UNC45A: variants seen among roughly 807,000 people sequenced by gnomAD.
The protein encoded by UNC45A is protein unc-45 homolog A.
In UNC45A, 78 loss-of-function variants were observed where a neutral mutation model predicts 103.2. That is an observed-to-expected ratio of 0.76 (90% CI 0.63 to 0.91). The LOEUF (loss-of-function observed/expected upper bound fraction) is 0.91. Among genes scored for constraint, UNC45A ranks in the 40% least tolerant of loss-of-function variants. The pLI is 0.00. For synonymous variants in UNC45A, 495 were observed against 504.6 expected (o/e 0.98, Z 0.25); for missense variants, 1,193 against 1,224.8 (o/e 0.97, Z 0.39).
intron 10 of UNC45A, 107 bp downstream of exon 10, chr15:90,947,021 T>C: frequency 7.3e-7 from 1 of 1,362,976 alleles, no homozygotes; most frequent in Non-Finnish European, 1.0e-6. Context: ...AAATAAGGAA[T>C]ACTGTAATGC....
In UNC45A at chr15:90,938,100, T is replaced by G. The variant is rs371912580; in HGVS notation, c.427-1631T>G. 5.4e-4 allele frequency among the ~76,000 whole-genome samples: 83 copies of G among 152,324 alleles called. 2 individuals are homozygous for G. The South Asian group carries it at 0.017, about 30-fold the overall frequency. The stretch of plus-strand genomic sequence containing the variant: ...GCGTGAGCCATGGCACTGGGCCAAA[T>G]ATGCATTTTTGTTTCTTTATTTTTT... On this transcript the variant is annotated intron_variant, in intron 4 of 19. Transcript: ENST00000418476.
chr15:90,932,360 C>T, upstream of UNC45A: 1 of 974,036 alleles, frequency 1.0e-6, no homozygotes, highest in Non-Finnish European at 1.4e-6. Context: ...GGTGCACGCC[C>T]CCCACGTTTC....
chr15:90,942,700 C>G (rs1365913286), intron 7 of UNC45A, 95 bp downstream of exon 7: 1 of 1,579,834 alleles, frequency 6.3e-7, no homozygotes, highest in African/African-American at 1.4e-5. Context: ...ACCAGACTTG[C>G]AGCTGCAGGT....
In UNC45A at chr15:90,936,363, A is replaced by G. The variant is rs2036021270; in HGVS notation, c.329A>G (p.Gln110Arg). 2 of 1,614,258 alleles carry G rather than the reference A, an allele frequency of 1.2e-6. No homozygotes were observed. Among genetic ancestry groups the G allele is most frequent in the East Asian group, 2.2e-5 (1 of 44,886 alleles). ...CTAGAGAAGCTGGGCCGCCTGGACC[A>G]GGCTGTCCTTGACCTGCAGAGATGT... ...QALEKLGRLD[Q>R]AVLDLQRCVS... is the part of the protein sequence containing the mutation. The change falls in exon 4 of 20, where the codon CAG (glutamine) becomes CGG (arginine). Residue 110 changes from glutamine to arginine, a missense_variant. By Grantham distance (43) the Gln-to-Arg change is conservative. Coordinates refer to ENST00000418476, the MANE Select transcript of UNC45A (RefSeq NM_018671.5).
At chr15:90,939,591 C>T in intron 4 of UNC45A, 140 bp from the exon 5 acceptor site, 2 of 772,222 alleles carry the variant, frequency 2.6e-6, no homozygotes, top group Non-Finnish European at 2.1e-6. Flanking sequence ...TCTTCCTGCC[C>T]AGGGTAGCTA....
chr15:90,939,935 C>A, intron 5 of UNC45A, 112 bp downstream of exon 5: 2 of 986,624 alleles, frequency 2.0e-6, no homozygotes, highest in Non-Finnish European at 3.0e-6. Context: ...TGCAGCTGGG[C>A]TCACGGGGCC....
chr15:90,947,694 G>T (rs1446961476), intron 10 of UNC45A, 102 bp from the exon 11 acceptor site: 6 of 760,154 alleles, frequency 7.9e-6, no homozygotes, highest in Non-Finnish European at 1.4e-5. Flanking sequence ...GCTTCCAGGG[G>T]GCCATGGCAG....
At position 90,944,988 on chromosome 15, in the gene UNC45A, T is replaced by C; in HGVS notation, c.1124T>C (p.Leu375Pro). 6.2e-7 allele frequency: 1 copy of C among 1,613,026 alleles called. No individual in the cohort carries two copies. The change falls in exon 9 of 20, where the codon CTC becomes CCC. Residue 375 changes from leucine (L) to proline (P), a missense_variant. Coordinates refer to ENST00000418476, the MANE Select transcript of UNC45A (RefSeq NM_018671.5). ...AGCCGCATGAGCGCCTCTATTCTCCTCAGCAAGCTCTTTGATGACCTCAAG... is the reference window on the plus strand; with the variant it reads ...AGCCGCATGAGCGCCTCTATTCTCCCCAGCAAGCTCTTTGATGACCTCAAG... ...ANSRMSASIL[L>P]SKLFDDLKCD... is the part of the protein sequence containing the mutation.
At chr15:90,940,562 C>A (rs572438023) in intron 6 of UNC45A, 89 bp downstream of exon 6, 2 of 1,486,992 alleles carry the variant, frequency 1.3e-6, no homozygotes, top group Admixed American at 4.2e-5. Flanking sequence ...TCCATCCGCC[C>A]ATCTGCCCGT....
At chr15:90,948,447 T>C in intron 12 of UNC45A, 164 bp downstream of exon 12, 1 of 1,271,442 alleles carries the variant, frequency 7.9e-7, no homozygotes, top group Non-Finnish European at 1.1e-6. Context: ...CCAGCACCAG[T>C]GGTGTTAGCA....
At chr15:90,939,183 G>A (rs1280837663) in intron 4 of UNC45A, among the ~76,000 whole-genome samples, 1 of 152,106 alleles carries the variant, frequency 6.6e-6, no homozygotes, top group Non-Finnish European at 1.5e-5. Context: ...GTTTCACCTT[G>A]TTGGCCAGGC....
Position 90,948,688 on chromosome 15 carries a change from C to T in UNC45A, c.1772C>T (p.Ser591Leu). 2 of 1,614,076 alleles carry T rather than the reference C, an allele frequency of 1.2e-6. No homozygotes were observed. The highest frequency in any genetic ancestry group is 2.2e-5 in the South Asian group (2 of 91,072). ...EERSVLFAVA[S>L]ALVNCTNSYD... is the part of the protein sequence containing the mutation. ...AGGTCAGTGCTCTTTGCGGTGGCCT[C>T]AGCGCTGGTGAACTGCACCAACAGC... The change falls in exon 13 of 20, where the codon TCA (serine) becomes TTA (leucine). Residue 591 changes from serine (S) to leucine (L), a missense_variant. Transcript: ENST00000418476.
upstream of UNC45A, chr15:90,930,562 C>G (rs2035754812): frequency 6.6e-6 from 1 of 152,212 alleles, no homozygotes; most frequent in Admixed American, 6.5e-5. Flanking sequence ...AGAGACGGGG[C>G]CTCGCCATGC....
upstream of UNC45A, chr15:90,932,497 G>A (rs1567144437): frequency 7.7e-7 from 1 of 1,303,830 alleles, no homozygotes; most frequent in Non-Finnish European, 9.7e-7. Context: ...CTTGCGAGCC[G>A]CGAAGTCGGC....
At chr15:90,942,028 G>A (rs573605672) in intron 6 of UNC45A, among the ~76,000 whole-genome samples, 10 of 152,036 alleles carry the variant, frequency 6.6e-5, no homozygotes, top group Non-Finnish European at 8.8e-5. Context: ...TTCCGTGTAC[G>A]TGACGTCCAC....
chr15:90,953,008 G>A lies in UNC45A; in HGVS notation c.2383G>A (p.Ala795Thr). 1 of 1,613,592 alleles carries A rather than the reference G, an allele frequency of 6.2e-7. No homozygotes were observed. The highest frequency in any genetic ancestry group is 8.5e-7 in the Non-Finnish European group (1 of 1,180,048). The change falls in exon 18 of 20, where the codon GCC becomes ACC. Residue 795 changes from alanine to threonine, a missense_variant. By Grantham distance (58) the Ala-to-Thr change is moderately conservative. Transcript: ENST00000418476. ...GGAGCATGAGATGATCCGCCGGGCAGCCACGGAGTGCATGTGTAACTTGGC... is the reference window on the plus strand; with the variant it reads ...GGAGCATGAGATGATCCGCCGGGCAACCACGGAGTGCATGTGTAACTTGGC... ...FEEHEMIRRA[A>T]TECMCNLAMS...
At chr15:90,953,403 C>T in intron 19 of UNC45A, 56 bp from the exon 20 acceptor site, 1 of 1,602,562 alleles carries the variant, frequency 6.2e-7, no homozygotes. Context: ...GGGTGTGTCC[C>T]TTGCCAAGGT....
At position 90,949,646 on chromosome 15, in the gene UNC45A, C is replaced by T. The variant is rs369066759; in HGVS notation, c.2007-8C>T. 63 of 1,613,918 alleles carry T rather than the reference C, an allele frequency of 3.9e-5. No homozygotes were observed. The highest frequency in any genetic ancestry group is 5.2e-5 in the Non-Finnish European group (61 of 1,179,984). ...AGCTGCCTGCCCACCACCGCCTTCT[C>T]CCCACAGGGTCTTCTTGGCTTTAGT... On this transcript the variant is annotated splice_region_variant and splice_polypyrimidine_tract_variant and intron_variant, in intron 14 of 19. Coordinates refer to ENST00000418476, the MANE Select transcript of UNC45A (RefSeq NM_018671.5).
chr15:90,948,881 T>G, intron 13 of UNC45A, 87 bp downstream of exon 13: 1 of 1,340,250 alleles, frequency 7.5e-7, no homozygotes, highest in South Asian at 1.7e-5. Context: ...CTCCCTTTTT[T>G]TTTTTTTTTT....
Sources: allele counts gnomAD v4.1 joint callset (sites outside exome capture counted in the v4.1 genomes callset), GRCh38; gene constraint gnomAD v4.1.1; transcripts MANE v1.5; gene names NCBI Gene and HGNC (gene_info 2026-07-23, HGNC 2026-07-21).